The following MAML3 variants were observed in gnomAD, a reference collection of about 807,000 sequenced individuals.
MAML3 encodes the protein mastermind-like protein 3.
MAML3 carries 27 observed loss-of-function variants against 101.9 expected under a neutral mutation model. The observed-to-expected ratio is 0.27, with a 90% CI of 0.20 to 0.37. MAML3 has a LOEUF of 0.37. Among genes scored for constraint, MAML3 ranks in the 10% least tolerant of loss-of-function variants. The pLI is 1.00. For synonymous variants in MAML3, 501 were observed against 555.9 expected (o/e 0.90, Z 1.39); for missense variants, 1,316 against 1,444.9 (o/e 0.91, Z 1.45).
chr4:140,064,014 C>T (rs1024105822), intron 1 of MAML3, among the ~76,000 whole-genome samples: 1 of 152,174 alleles, frequency 6.6e-6, no homozygotes, highest in African/African-American at 2.4e-5. Flanking sequence ...CCTGTATCTT[C>T]TTAGACCCCT....
intron 2 of MAML3, among the ~76,000 whole-genome samples, chr4:139,851,388 G>GGCAA (rs1731546624): frequency 6.6e-6 from 1 of 152,212 alleles, no homozygotes; most frequent in African/African-American, 2.4e-5. Flanking sequence ...AGCTCCTATT[G>GGCAA]GCTCTGCAAA....
chr4:139,918,075 C>CGA (rs1733058904), intron 1 of MAML3, among the ~76,000 whole-genome samples: 1 of 152,182 alleles, frequency 6.6e-6, no homozygotes, highest in Non-Finnish European at 1.5e-5. Flanking sequence ...CACCTTCCAT[C>CGA]TGTCACCTTT....
intron 1 of MAML3, among the ~76,000 whole-genome samples, chr4:140,059,557 C>T (rs1036104717): frequency 6.6e-6 from 1 of 152,122 alleles, no homozygotes; most frequent in Non-Finnish European, 1.5e-5. Flanking sequence ...TTTAAAAATA[C>T]TTATTATTTT....
intron 1 of MAML3, among the ~76,000 whole-genome samples, chr4:139,917,589 T>C (rs1002154699): frequency 1.3e-5 from 2 of 152,186 alleles, no homozygotes; most frequent in African/African-American, 4.8e-5. Context: ...ATTTGATCTA[T>C]GTAGCTCCAG....
chr4:139,955,453 C>T (rs959667805), intron 1 of MAML3, among the ~76,000 whole-genome samples: 1 of 151,806 alleles, frequency 6.6e-6, no homozygotes, highest in African/African-American at 2.4e-5. Flanking sequence ...AAGGTCAGGT[C>T]CAAAAAGGAT....
At chr4:140,095,480 C>G (rs183880380) in intron 1 of MAML3, among the ~76,000 whole-genome samples, 17 of 152,280 alleles carry the variant, frequency 1.1e-4, no homozygotes, top group Non-Finnish European at 2.2e-4. Flanking sequence ...CTCCTCATCT[C>G]CTACATCCTC....
intron 1 of MAML3, among the ~76,000 whole-genome samples, chr4:140,145,751 A>G (rs1436439667): frequency 1.3e-5 from 2 of 151,750 alleles, no homozygotes; most frequent in Non-Finnish European, 2.9e-5. Context: ...TTTTTCGTAG[A>G]GATGGGGTTT....
intron 2 of MAML3, among the ~76,000 whole-genome samples, chr4:139,822,205 C>CATCATT (rs1317297467): frequency 6.6e-6 from 1 of 151,094 alleles, no homozygotes; most frequent in African/African-American, 2.4e-5. Context: ...TCATCAGGAT[C>CATCATT]ATCATTATCA....
chr4:139,787,937 C>G (rs1000335847), intron 2 of MAML3, among the ~76,000 whole-genome samples: 3 of 152,186 alleles, frequency 2.0e-5, no homozygotes, highest in African/African-American at 7.2e-5. Context: ...TAACTCTCTA[C>G]TTTAGGGCTT....
At chr4:140,006,889 T>A (rs1334001428) in intron 1 of MAML3, among the ~76,000 whole-genome samples, 1 of 152,214 alleles carries the variant, frequency 6.6e-6, no homozygotes, top group Admixed American at 6.5e-5. Context: ...ATATATTAAC[T>A]CATTTAATCT....
At chr4:139,863,150 C>CAAAAAAAAAA (rs34108210) in intron 2 of MAML3, among the ~76,000 whole-genome samples, 1 of 114,146 alleles carries the variant, frequency 8.8e-6, no homozygotes, top group African/African-American at 3.2e-5. Flanking sequence ...ACTCTGTCTC[C>CAAAAAAAAAA]AAAAAAAAAA....
intron 2 of MAML3, among the ~76,000 whole-genome samples, chr4:139,752,696 T>C (rs186624536): frequency 2.0e-5 from 3 of 152,204 alleles, no homozygotes; most frequent in Admixed American, 1.3e-4. Context: ...CGAGAGAGCA[T>C]GTGTACAGAT....
In MAML3 at chr4:140,129,087, G is replaced by A. The variant is rs532373290; in HGVS notation, c.468+23773C>T. Among the ~76,000 whole-genome samples the A allele has an allele frequency of 1.3e-4, 20 of 152,058 alleles. No individual in the cohort carries two copies. In the East Asian group the frequency reaches 3.5e-3, roughly 26 times the overall value. On this transcript the variant is annotated intron_variant, in intron 1 of 4. Transcript: ENST00000509479. ...TGTGACAAATCAACAAAACTCTCGGGGGACTCAGTAGCCTCATCTTTTAAA... is the reference window on the plus strand; with the variant it reads ...TGTGACAAATCAACAAAACTCTCGGAGGACTCAGTAGCCTCATCTTTTAAA...
At chr4:139,830,927 A>G (rs1731153891) in intron 2 of MAML3, among the ~76,000 whole-genome samples, 1 of 152,182 alleles carries the variant, frequency 6.6e-6, no homozygotes, top group African/African-American at 2.4e-5. Context: ...TTGAGGATAC[A>G]AAGGATTCCT....
intron 1 of MAML3, among the ~76,000 whole-genome samples, chr4:140,063,256 A>G (rs1445143638): frequency 6.6e-6 from 1 of 152,238 alleles, no homozygotes; most frequent in Non-Finnish European, 1.5e-5. Context: ...GCCGGAACTC[A>G]AAACTTAGAA....
At chr4:140,096,338 T>G (rs767533004) in intron 1 of MAML3, among the ~76,000 whole-genome samples, 2 of 152,198 alleles carry the variant, frequency 1.3e-5, no homozygotes, top group Non-Finnish European at 2.9e-5. Flanking sequence ...CAGTTCTCGA[T>G]GAGTCACAGA....
chr4:139,886,509 TTTAG>T (rs1482304076), intron 2 of MAML3, among the ~76,000 whole-genome samples: 5 of 152,120 alleles, frequency 3.3e-5, no homozygotes, highest in African/African-American at 9.7e-5. Flanking sequence ...AAAATAACAT[TTTAG>T]TTATTCAGTA....
chr4:139,990,877 T>A (rs1734658716), intron 1 of MAML3, among the ~76,000 whole-genome samples: 3 of 152,064 alleles, frequency 2.0e-5, no homozygotes, highest in African/African-American at 4.8e-5. Context: ...GAGAACTACA[T>A]ACCACTGTTC....
intron 1 of MAML3, among the ~76,000 whole-genome samples, chr4:140,075,536 T>C (rs945500384): frequency 6.6e-6 from 1 of 152,108 alleles, no homozygotes; most frequent in Non-Finnish European, 1.5e-5. Flanking sequence ...TAGATACATA[T>C]TATTTTATTT....
Sources: gnomAD v4.1 joint callset for allele counts (sites outside exome capture counted in the v4.1 genomes callset) on GRCh38, gnomAD v4.1.1 for gene constraint, MANE v1.5 for transcripts, NCBI Gene and HGNC (gene_info 2026-07-23, HGNC 2026-07-21) for gene names.